Variants in PLCXD1 observed in about 807,000 individuals in gnomAD.
PLCXD1 encodes the protein phosphatidylinositol specific phospholipase C X domain containing 1, also known as PI-PLC X domain-containing protein 1.
In PLCXD1, 45 loss-of-function variants were observed where a neutral mutation model predicts 37.8. The ratio of observed to expected loss-of-function variants is 1.19; its 90% CI spans 0.94 to 1.53. The LOEUF (loss-of-function observed/expected upper bound fraction) is 1.53, where lower values mean the gene tolerates loss of function less well. Among genes scored for constraint, PLCXD1 ranks in the 40% most tolerant of loss-of-function variants. PLCXD1 has a pLI of 0.00. For missense variants in PLCXD1, 539 were observed against 454.7 expected (o/e 1.19, Z -1.69); for synonymous variants, 246 against 206.9 (o/e 1.19, Z -1.62).
chrX:292,847 A>G (rs1250852962), intron 5 of PLCXD1, among the ~76,000 whole-genome samples, 188 bp from the exon 6 acceptor site: 1 of 149,606 alleles, frequency 6.7e-6, no homozygotes, highest in Non-Finnish European at 1.5e-5. Flanking sequence ...TCCTGACCTC[A>G]GGTGATCCAC....
intron 1 of PLCXD1, chrX:283,893 T>C (rs1379182833): frequency 1.1e-5 from 3 of 273,798 alleles, no homozygotes; most frequent in Non-Finnish European, 2.1e-5. Flanking sequence ...TTTTTTTTCT[T>C]TTTTGGATAT....
intron 2 of PLCXD1, among the ~76,000 whole-genome samples, chrX:287,677 ATCTT>A (rs1367738766): frequency 1.7e-4 from 24 of 138,888 alleles, no homozygotes; most frequent in East Asian, 6.3e-4. Flanking sequence ...GATACTATAT[ATCTT>A]TGTTTATAGA....
chrX:282,952 T>A (rs957965605), intron 1 of PLCXD1, among the ~76,000 whole-genome samples: 13 of 146,044 alleles, frequency 8.9e-5, no homozygotes, highest in African/African-American at 3.2e-4. Context: ...ATATTATATA[T>A]ATATTATATA....
rs1491518446 is a variant in PLCXD1 at position 300,587 on chromosome X, T to TG, written c.*1252_*1253insG. On this transcript the variant is annotated 3_prime_UTR_variant, in exon 7 of 7. Transcript: ENST00000381657. The stretch of plus-strand genomic sequence containing the variant: ...ATGTGTATGTGTACATGTATATGTG[T>TG]TTATACATGTATATGTGTGTATGCG... The TG allele has an allele frequency of 6.7e-6, 1 of 148,910 alleles. No individual in the cohort carries two copies. The highest frequency in any genetic ancestry group is 2.6e-5 in the African/African-American group (1 of 39,208). 9.2% of individuals were successfully genotyped at this position (148,910 alleles called of 1,614,324 possible). A position where few individuals can be genotyped will look rare whatever the true frequency, so the allele number is the denominator to read the frequency against.
intron 3 of PLCXD1, among the ~76,000 whole-genome samples, chrX:289,338 C>CTT (rs2069554089): frequency 6.6e-6 from 1 of 152,024 alleles, no homozygotes; most frequent in Non-Finnish European, 1.5e-5. Flanking sequence ...CTGCCCGCCC[C>CTT]AGCCTCCGAA....
Position 292,495 on chromosome X carries a change from T to C in PLCXD1, c.550-540T>C, listed in dbSNP as rs188845954. Among the ~76,000 whole-genome samples, 1,009 of 151,848 alleles carry C rather than the reference T, an allele frequency of 6.6e-3. 12 individuals are homozygous for C. The highest frequency in any genetic ancestry group is 0.023 in the African/African-American group (934 of 41,440). ...ATAAAAATAAATAAATATATAAAAA[T>C]AGAGACAGGGTCACCCTGTGCAGCC... is the stretch of plus-strand genomic sequence containing the variant. On this transcript the variant is annotated intron_variant, in intron 5 of 6. Coordinates refer to ENST00000381657, the MANE Select transcript of PLCXD1 (RefSeq NM_018390.4).
chrX:297,047 G>A (rs28722494), intron 6 of PLCXD1, among the ~76,000 whole-genome samples: 1 of 52,774 alleles, frequency 1.9e-5, no homozygotes, highest in Non-Finnish European at 3.3e-5. Flanking sequence ...GGATTAGGAC[G>A]TGGACATCTT....
chrX:288,981 G>A, intron 3 of PLCXD1, 112 bp downstream of exon 3: 1 of 1,013,812 alleles, frequency 9.9e-7, no homozygotes, highest in East Asian at 2.4e-5. Flanking sequence ...GTGCCCTGTG[G>A]GCTCAGGAGG....
chrX:293,519 G>A (rs910827666), intron 6 of PLCXD1, among the ~76,000 whole-genome samples: 2 of 152,132 alleles, frequency 1.3e-5, no homozygotes, highest in East Asian at 1.9e-4. Flanking sequence ...TAGCACTTTG[G>A]GAGGCTGAGG....
chrX:283,915 C>A, intron 1 of PLCXD1: 1 of 331,992 alleles, frequency 3.0e-6, no homozygotes, highest in East Asian at 5.3e-5. Context: ...GAGTTTCACT[C>A]TTGTTGCCCA....
intron 1 of PLCXD1, among the ~76,000 whole-genome samples, chrX:282,442 C>G (rs1405324400): frequency 6.6e-6 from 1 of 151,748 alleles, no homozygotes; most frequent in Non-Finnish European, 1.5e-5. Flanking sequence ...CCGTGGCTCA[C>G]GCCAGTAATC....
Position 302,074 on chromosome X carries a change from CCCT to C in PLCXD1, c.*2740_*2742del, listed in dbSNP as rs1039246331. ...TCCTGTTGCCCGGTTCTGCCGAAGCCCCTTGAAGGCTGTGGCCTGGGCTGTTCC... is the reference window on the plus strand; with the variant it reads ...TCCTGTTGCCCGGTTCTGCCGAAGCCTGAAGGCTGTGGCCTGGGCTGTTCC... On this transcript the variant is annotated 3_prime_UTR_variant, in exon 7 of 7. Coordinates refer to ENST00000381657, the MANE Select transcript of PLCXD1 (RefSeq NM_018390.4). 6.6e-6 allele frequency: 1 copy of C among 152,290 alleles called. No homozygotes were observed. The highest frequency in any genetic ancestry group is 1.5e-5 in the Non-Finnish European group (1 of 68,132). The allele number at this position is 152,290 out of a possible 1,614,324, so 9.4% of individuals were successfully genotyped here.
chrX:298,966 T>C, intron 6 of PLCXD1, 131 bp from the exon 7 acceptor site: 1 of 734,660 alleles, frequency 1.4e-6, no homozygotes, highest in Non-Finnish European at 2.4e-6. Flanking sequence ...GCTCACCCAA[T>C]TTCCTTGTTG....
At position 291,497 on chromosome X, in the gene PLCXD1, AG is replaced by A; in HGVS notation, c.394del. 1 of 1,612,232 alleles carries A rather than the reference AG, an allele frequency of 6.2e-7. No homozygotes were observed. The highest frequency in any genetic ancestry group is 8.5e-7 in the Non-Finnish European group (1 of 1,179,794). ...GACTCAGCCCAGCACCCCCCTCCCCAGGACACACTCACGGAAATCTCGGAGT... is the reference window on the plus strand; with the variant it reads ...GACTCAGCCCAGCACCCCCCTCCCCAGACACACTCACGGAAATCTCGGAGT... On this transcript the variant is annotated splice_acceptor_variant, in intron 4 of 6. Transcript: ENST00000381657. LOFTEE classifies it high-confidence loss of function.
upstream of PLCXD1, among the ~76,000 whole-genome samples, chrX:276,939 A>T (rs747626727): frequency 6.6e-6 from 1 of 152,260 alleles, no homozygotes; most frequent in South Asian, 2.1e-4. Flanking sequence ...AGCGGGCGGG[A>T]AGGTGTAGGT....
rs1020668582 is a variant in PLCXD1, at chrX:286,167, C to T, written c.127+1853C>T. Among the ~76,000 whole-genome samples the T allele has an allele frequency of 2.8e-4, 42 of 151,804 alleles. 1 individual carries two copies. The highest frequency in any genetic ancestry group is 5.1e-4 in the Non-Finnish European group (35 of 67,972). ...GCAACCTCTGCCTCCTGGGTTCAAG[C>T]GATTCTCCTGCCTCAGCCTCCCGAG... On this transcript the variant is annotated intron_variant, in intron 2 of 6. Coordinates refer to ENST00000381657, the MANE Select transcript of PLCXD1 (RefSeq NM_018390.4).
chrX:283,890 T>C (rs866042212), intron 1 of PLCXD1: 3 of 247,816 alleles, frequency 1.2e-5, no homozygotes, highest in Admixed American at 5.4e-5. Flanking sequence ...TTTTTTTTTT[T>C]CTTTTTTGGA....
Position 293,080 on chromosome X carries a change from A to C in PLCXD1, c.595A>C (p.Ile199Leu). 2 of 1,611,494 alleles carry C rather than the reference A, an allele frequency of 1.2e-6. No individual in the cohort carries two copies. The highest frequency in any genetic ancestry group is 1.7e-6 in the Non-Finnish European group (2 of 1,179,510). The change falls in exon 6 of 7, where the codon ATC becomes CTC. Residue 199 changes from isoleucine (I) to leucine (L), a missense_variant. Physicochemically the swap from Ile to Leu is conservative, Grantham distance 5. Transcript: ENST00000381657. ...RQLWSRGQQV[I>L]VSYEDESSLR... ...GCTGTGGTCCCGGGGCCAACAGGTC[A>C]TCGTCTCCTATGAAGACGAGAGCTC...
intron 2 of PLCXD1, among the ~76,000 whole-genome samples, chrX:284,809 CG>C (rs1304053191): frequency 7.9e-5 from 12 of 152,198 alleles, no homozygotes; most frequent in Non-Finnish European, 1.5e-4. Context: ...CTCACAATCA[CG>C]GCAGAAGGTG....
Sources: allele counts gnomAD v4.1 joint callset (sites outside exome capture counted in the v4.1 genomes callset), GRCh38; gene constraint gnomAD v4.1.1; transcripts MANE v1.5; gene names NCBI Gene and HGNC (gene_info 2026-07-23, HGNC 2026-07-21).